KCNAB1: variants seen among roughly 807,000 people sequenced by gnomAD.
KCNAB1 encodes the protein voltage-gated potassium channel subunit beta-1.
In KCNAB1, 35 loss-of-function variants were observed where a neutral mutation model predicts 64.6. The observed-to-expected ratio is 0.54, with a 90% confidence interval of 0.41 to 0.72. The LOEUF is 0.72. KCNAB1 is among the 30% of genes least tolerant of loss of function. The pLI is 0.00. For missense variants in KCNAB1, 401 were observed against 512.9 expected (o/e 0.78, Z 2.11); for synonymous variants, 177 against 183.8 (o/e 0.96, Z 0.30).
At chr3:156,513,432 C>G (rs12107940) in intron 8 of KCNAB1, among the ~76,000 whole-genome samples, 13,126 of 152,234 alleles carry the variant, frequency 0.086, 600 homozygotes, top group South Asian at 0.11. Context: ...ACTGGTATTA[C>G]TGAGAAATAA....
chr3:156,445,034 A>G (rs944331378), intron 2 of KCNAB1, among the ~76,000 whole-genome samples: 2 of 152,244 alleles, frequency 1.3e-5, no homozygotes, highest in African/African-American at 2.4e-5. Flanking sequence ...GCTGTGGCTC[A>G]CGCCTGTAAT....
intron 1 of KCNAB1, among the ~76,000 whole-genome samples, chr3:156,201,496 G>A (rs995159262): frequency 6.6e-6 from 1 of 152,180 alleles, no homozygotes; most frequent in Admixed American, 6.5e-5. Context: ...TTTAGGGTGA[G>A]TGGGTCCACT....
intron 1 of KCNAB1, among the ~76,000 whole-genome samples, chr3:156,368,662 A>G (rs1297918329): frequency 3.3e-5 from 5 of 152,202 alleles, no homozygotes; most frequent in African/African-American, 1.2e-4. Flanking sequence ...TCCAACTCTG[A>G]CATTTATTAA....
At chr3:156,342,686 G>A (rs1438670777) in intron 1 of KCNAB1, among the ~76,000 whole-genome samples, 1 of 138,292 alleles carries the variant, frequency 7.2e-6, no homozygotes, top group East Asian at 2.2e-4. Context: ...ATGTATACAT[G>A]TGCCATGCTG....
At chr3:156,445,007 A>C (rs1422005729) in intron 2 of KCNAB1, among the ~76,000 whole-genome samples, 1 of 152,236 alleles carries the variant, frequency 6.6e-6, no homozygotes, top group Admixed American at 6.5e-5. Context: ...GGGTGTAAAG[A>C]AAAGGATGGG....
chr3:156,326,712 A>G (rs2108036080), intron 1 of KCNAB1, among the ~76,000 whole-genome samples: 1 of 152,204 alleles, frequency 6.6e-6, no homozygotes, highest in East Asian at 1.9e-4. Context: ...AGCTCTTCTC[A>G]CAGCATTTGG....
chr3:156,426,602 G>A (rs1715836695), intron 2 of KCNAB1, among the ~76,000 whole-genome samples: 1 of 152,118 alleles, frequency 6.6e-6, no homozygotes, highest in South Asian at 2.1e-4. Flanking sequence ...TAGTTTCACT[G>A]CTCTAAAAAA....
At chr3:156,490,132 C>G (rs534827640) in intron 8 of KCNAB1, among the ~76,000 whole-genome samples, 1 of 152,122 alleles carries the variant, frequency 6.6e-6, no homozygotes, top group East Asian at 1.9e-4. Flanking sequence ...ACTTGAGACC[C>G]CAGACCCCTT....
At chr3:156,195,098 C>T (rs1365676258) in intron 1 of KCNAB1, among the ~76,000 whole-genome samples, 1 of 152,166 alleles carries the variant, frequency 6.6e-6, no homozygotes, top group East Asian at 1.9e-4. Flanking sequence ...ATCCATGTCC[C>T]TGCAAAAGAT....
intron 1 of KCNAB1, among the ~76,000 whole-genome samples, chr3:156,299,205 G>C (rs1281221004): frequency 6.6e-6 from 1 of 152,180 alleles, no homozygotes. Context: ...TTTCAACACA[G>C]GAAAGAAGCA....
At chr3:156,445,455 C>A (rs558303878) in intron 2 of KCNAB1, among the ~76,000 whole-genome samples, 5 of 152,302 alleles carry the variant, frequency 3.3e-5, no homozygotes, top group Non-Finnish European at 7.4e-5. Context: ...ATTCTGATTT[C>A]ACTGGGGTGT....
At chr3:156,255,044 G>A (rs191138575) in intron 1 of KCNAB1, among the ~76,000 whole-genome samples, 2 of 152,138 alleles carry the variant, frequency 1.3e-5, no homozygotes, top group Non-Finnish European at 2.9e-5. Context: ...TGGGTGACAC[G>A]TGGGCTCCCT....
chr3:156,523,399 A>G (rs1009971897), intron 11 of KCNAB1, among the ~76,000 whole-genome samples: 1 of 152,208 alleles, frequency 6.6e-6, no homozygotes, highest in Non-Finnish European at 1.5e-5. Context: ...GTTTTCTTTG[A>G]GCAGAAAGCT....
At chr3:156,459,127 G>C (rs140614620) in intron 4 of KCNAB1, among the ~76,000 whole-genome samples, 1 of 152,200 alleles carries the variant, frequency 6.6e-6, no homozygotes, top group Admixed American at 6.5e-5. Flanking sequence ...GACCCCAGCT[G>C]CTTCTGACAA....
chr3:156,403,504 T>C (rs2108195897), intron 1 of KCNAB1, among the ~76,000 whole-genome samples: 2 of 152,336 alleles, frequency 1.3e-5, no homozygotes, highest in Admixed American at 1.3e-4. Flanking sequence ...GAGAGTTCTA[T>C]TTTCCTTCTG....
chr3:156,154,923 G>A (rs546188553), intron 1 of KCNAB1, among the ~76,000 whole-genome samples: 4 of 151,978 alleles, frequency 2.6e-5, no homozygotes, highest in Non-Finnish European at 5.9e-5. Context: ...CCTCTCCAAG[G>A]GCCTTCCATT....
intron 8 of KCNAB1, among the ~76,000 whole-genome samples, chr3:156,493,422 G>A (rs767585064): frequency 1.3e-4 from 20 of 151,904 alleles, no homozygotes; most frequent in Non-Finnish European, 2.5e-4. Context: ...TTTGTTGTAT[G>A]TACTTTTGTC....
At chr3:156,529,601 G>A (rs556700667) in intron 12 of KCNAB1, among the ~76,000 whole-genome samples, 50 of 152,238 alleles carry the variant, frequency 3.3e-4, no homozygotes, top group East Asian at 5.8e-4. Flanking sequence ...GAAACTCAGC[G>A]GGTGAGCCAT....
intron 1 of KCNAB1, among the ~76,000 whole-genome samples, chr3:156,296,987 C>T (rs893415924): frequency 6.6e-6 from 1 of 152,028 alleles, no homozygotes; most frequent in Non-Finnish European, 1.5e-5. Flanking sequence ...GGATTTATTC[C>T]GATTTTACCA....
Sources: allele counts gnomAD v4.1 joint callset (sites outside exome capture counted in the v4.1 genomes callset), GRCh38; gene constraint gnomAD v4.1.1; transcripts MANE v1.5; gene names NCBI Gene and HGNC (gene_info 2026-07-23, HGNC 2026-07-21).